Variants in CLVS1 observed in about 807,000 individuals in gnomAD.
CLVS1 encodes clavesin 1.
A neutral mutation model predicts 33.1 loss-of-function variants in CLVS1; 10 were observed. The ratio of observed to expected loss-of-function variants is 0.30; its 90% CI spans 0.19 to 0.51. The LOEUF is 0.51. Ranked by LOEUF, CLVS1 falls within the 20% of genes least tolerant of loss-of-function variation. The pLI is 0.97. For missense variants in CLVS1, 343 were observed against 433.4 expected, an observed-to-expected ratio of 0.79 and a Z score of 1.85; for synonymous variants, 163 against 166.1, an observed-to-expected ratio of 0.98 and a Z score of 0.14.
At chr8:60,973,813 T>G in the CLVS1 span, among the ~76,000 whole-genome samples, 1 of 152,230 alleles carries the variant, frequency 6.6e-6, no homozygotes, top group Non-Finnish European at 1.5e-5. Context: ...ACTGGGAAGC[T>G]GCTGATCGCC....
At chr8:61,317,084 G>T (rs1811038846) in intron 2 of CLVS1, among the ~76,000 whole-genome samples, 1 of 152,042 alleles carries the variant, frequency 6.6e-6, no homozygotes, top group Admixed American at 6.5e-5. Flanking sequence ...TAGTTCACTT[G>T]TGTGCTACTA....
intron 2 of CLVS1, among the ~76,000 whole-genome samples, chr8:61,231,431 C>G (rs1690569934): frequency 6.6e-6 from 1 of 152,142 alleles, no homozygotes; most frequent in Non-Finnish European, 1.5e-5. Flanking sequence ...CTAGAATTTT[C>G]TGAGTGTCAG....
chr8:61,270,960 A>C (rs1490741634), intron 2 of CLVS1, among the ~76,000 whole-genome samples: 5 of 151,620 alleles, frequency 3.3e-5, no homozygotes, highest in East Asian at 1.9e-4. Context: ...CCTGTCAAAA[A>C]ACCAGCTCCT....
intron 1 of CLVS1, among the ~76,000 whole-genome samples, chr8:61,130,145 G>A (rs1211167769): frequency 6.6e-6 from 1 of 151,952 alleles, no homozygotes; most frequent in Non-Finnish European, 1.5e-5. Context: ...GGCTGAGGCA[G>A]GAGAATTGCT....
intron 2 of CLVS1, chr8:61,264,870 T>C (rs1488288194): frequency 1.3e-5 from 2 of 152,212 alleles, no homozygotes; most frequent in East Asian, 3.9e-4. Flanking sequence ...CTCAGAGACA[T>C]ACGTTGTGGG....
chr8:61,358,112 C>T (rs183363898), intron 2 of CLVS1, among the ~76,000 whole-genome samples: 51 of 152,302 alleles, frequency 3.3e-4, no homozygotes, highest in African/African-American at 5.5e-4. Context: ...CTTACTGACA[C>T]GATGAAGTGC....
intron 2 of CLVS1, among the ~76,000 whole-genome samples, chr8:61,141,662 CTTCACTTA>C (rs2129293173): frequency 6.6e-6 from 1 of 152,300 alleles, no homozygotes; most frequent in East Asian, 1.9e-4. Context: ...ACAAATAATA[CTTCACTTA>C]TTCACTTATT....
intron 3 of CLVS1, among the ~76,000 whole-genome samples, chr8:61,448,753 A>G (rs1300976362): frequency 6.6e-6 from 1 of 151,314 alleles, no homozygotes; most frequent in Non-Finnish European, 1.5e-5. Context: ...TCTATTTTAT[A>G]TTTATTTGCT....
intron 2 of CLVS1, among the ~76,000 whole-genome samples, chr8:61,325,195 TACACACACATACACACAC>T (rs935073282): frequency 1.3e-4 from 19 of 150,604 alleles, no homozygotes; most frequent in African/African-American, 4.5e-4. Context: ...ATAACCTATG[TACACACACATACACACAC>T]ACACACACAT....
chr8:61,407,047 A>T (rs1815020678), intron 3 of CLVS1, among the ~76,000 whole-genome samples: 1 of 152,252 alleles, frequency 6.6e-6, no homozygotes, highest in African/African-American at 2.4e-5. Flanking sequence ...GATTTATCTT[A>T]GACACAGATC....
intron 2 of CLVS1, among the ~76,000 whole-genome samples, chr8:61,184,850 T>A (rs1445759860): frequency 6.6e-6 from 1 of 152,240 alleles, no homozygotes; most frequent in Admixed American, 6.5e-5. Flanking sequence ...TGGTATTATC[T>A]GATAAACATT....
At chr8:61,004,314 TC>T in the CLVS1 span, among the ~76,000 whole-genome samples, 327 of 152,332 alleles carry the variant, frequency 2.1e-3, 1 homozygote, top group Admixed American at 4.1e-3. Context: ...CTGCAGTCTC[TC>T]CAGGCTTCTT....
intron 2 of CLVS1, among the ~76,000 whole-genome samples, chr8:61,249,296 A>G (rs1401415792): frequency 6.6e-6 from 1 of 152,200 alleles, no homozygotes; most frequent in African/African-American, 2.4e-5. Context: ...TATATGTGCC[A>G]CATTTTCTTT....
At chr8:61,199,957 A>G (rs1807694023) in intron 2 of CLVS1, among the ~76,000 whole-genome samples, 1 of 152,172 alleles carries the variant, frequency 6.6e-6, no homozygotes, top group Non-Finnish European at 1.5e-5. Flanking sequence ...TCTGTTGAGG[A>G]CTGAAAGGGG....
At chr8:61,110,638 T>G (rs924088665) in intron 1 of CLVS1, among the ~76,000 whole-genome samples, 1 of 152,186 alleles carries the variant, frequency 6.6e-6, no homozygotes. Context: ...CAAAGTCTAG[T>G]GTAGAACTTT....
chr8:61,148,469 C>T (rs537410787), intron 2 of CLVS1, among the ~76,000 whole-genome samples: 2 of 152,336 alleles, frequency 1.3e-5, no homozygotes, highest in South Asian at 4.1e-4. Context: ...TTGCCTGCCC[C>T]TCCCCACTCT....
intron 1 of CLVS1, among the ~76,000 whole-genome samples, chr8:61,101,801 G>A (rs1330915024): frequency 7.7e-6 from 1 of 129,998 alleles, no homozygotes; most frequent in Non-Finnish European, 1.6e-5. Context: ...GTGAGTAGGA[G>A]TCCAAGTTTT....
chr8:61,400,063 C>A (rs879010067), intron 3 of CLVS1, among the ~76,000 whole-genome samples: 2 of 152,116 alleles, frequency 1.3e-5, no homozygotes, highest in African/African-American at 2.4e-5. Flanking sequence ...TTTTCTAATT[C>A]TGTGAAGAAT....
the CLVS1 span, among the ~76,000 whole-genome samples, chr8:61,050,411 C>T: frequency 6.6e-6 from 1 of 152,230 alleles, no homozygotes; most frequent in Non-Finnish European, 1.5e-5. Context: ...CTCTCAAACA[C>T]TGCATTCTCT....
Sources: gnomAD v4.1 joint callset for allele counts (sites outside exome capture counted in the v4.1 genomes callset) on GRCh38, gnomAD v4.1.1 for gene constraint, MANE v1.5 for transcripts, NCBI Gene and HGNC (gene_info 2026-07-23, HGNC 2026-07-21) for gene names.